Variants in CCDC85C observed in about 807,000 individuals in gnomAD.
CCDC85C encodes coiled-coil domain-containing protein 85C.
In CCDC85C, 18 loss-of-function variants were observed where a neutral mutation model predicts 38.3. The ratio of observed to expected loss-of-function variants is 0.47; its 90% confidence interval spans 0.33 to 0.70. The LOEUF (loss-of-function observed/expected upper bound fraction) is 0.70, where lower values mean the gene tolerates loss of function less well. CCDC85C is among the 30% of genes least tolerant of loss of function. The pLI, the probability that CCDC85C is intolerant of heterozygous loss-of-function variation, is 0.03. For missense variants in CCDC85C, 566 were observed against 621.2 expected (o/e 0.91, Z 0.94); for synonymous variants, 264 against 293.8 (o/e 0.90, Z 1.04).
In CCDC85C at chr14:99,504,296, T is replaced by C. The variant is rs1411239271; in HGVS notation, c.*10950A>G. ...TGACTCATTTGTCTTTCTTTGTTACTTGGTTCTTAGTTCCAGTAGTTCCTG... is the reference window on the plus strand; with the variant it reads ...TGACTCATTTGTCTTTCTTTGTTACCTGGTTCTTAGTTCCAGTAGTTCCTG... On this transcript the variant is annotated 3_prime_UTR_variant, in exon 6 of 6. Transcript: ENST00000380243. 4 of 155,858 alleles carry C rather than the reference T, an allele frequency of 2.6e-5. No homozygotes were observed. The highest frequency in any genetic ancestry group is 7.2e-5 in the African/African-American group (3 of 41,606). 9.7% of individuals were successfully genotyped at this position (155,858 alleles called of 1,614,324 possible). A position where few individuals can be genotyped will look rare whatever the true frequency, so the allele number is the denominator to read the frequency against.
At chr14:99,526,182 AG>A (rs2139905473) in intron 2 of CCDC85C, among the ~76,000 whole-genome samples, 1 of 152,298 alleles carries the variant, frequency 6.6e-6, no homozygotes, top group South Asian at 2.1e-4. Flanking sequence ...TGGGGGCTCC[AG>A]GGGATCTGTC....
At chr14:99,577,707 C>T (rs921030321) in intron 1 of CCDC85C, among the ~76,000 whole-genome samples, 16 of 145,232 alleles carry the variant, frequency 1.1e-4, no homozygotes, top group African/African-American at 4.1e-4. Flanking sequence ...GTACACATCT[C>T]CACACCCATA....
Position 99,502,563 on chromosome 14 carries a change from A to G in CCDC85C, c.*12683T>C, listed in dbSNP as rs1896859653. On this transcript the variant is annotated 3_prime_UTR_variant, in exon 6 of 6. Transcript: ENST00000380243. ...AACACATACTTTTGGTAAACTAAAA[A>G]TACACACCAGTGTTGCACACAACGA... The G allele has an allele frequency of 8.2e-7, 1 of 1,221,664 alleles. No homozygotes were observed. Among genetic ancestry groups the G allele is most frequent in the East Asian group, 2.5e-5 (1 of 39,292 alleles). The allele number at this position is 1,221,664 out of a possible 1,614,324, so 75.7% of individuals were successfully genotyped here.
intron 1 of CCDC85C, among the ~76,000 whole-genome samples, chr14:99,541,708 C>G (rs1217493474): frequency 6.6e-6 from 1 of 152,204 alleles, no homozygotes; most frequent in African/African-American, 2.4e-5. Context: ...CTGCAGGTGC[C>G]AGCAGGCGAT....
intron 3 of CCDC85C, among the ~76,000 whole-genome samples, chr14:99,519,737 C>A (rs1412989253): frequency 6.6e-6 from 1 of 152,186 alleles, no homozygotes; most frequent in African/African-American, 2.4e-5. Flanking sequence ...CAATGAAGAC[C>A]AATACAGGGT....
chr14:99,571,345 G>GTAGTAATAATAATAATAATAATAA (rs35376895), intron 1 of CCDC85C, among the ~76,000 whole-genome samples: 50 of 149,962 alleles, frequency 3.3e-4, no homozygotes, highest in African/African-American at 1.1e-3. Context: ...AGTAGTAGTA[G>GTAGTAATAATAATAATAATAATAA]TAATAATAAT....
chr14:99,600,054 C>G (rs1349271716), intron 1 of CCDC85C, among the ~76,000 whole-genome samples: 1 of 152,220 alleles, frequency 6.6e-6, no homozygotes, highest in Non-Finnish European at 1.5e-5. Context: ...CAACTGCCAC[C>G]AGCTCCCCAG....
chr14:99,537,687 G>T (rs1181578886), intron 1 of CCDC85C, among the ~76,000 whole-genome samples: 2 of 152,150 alleles, frequency 1.3e-5, no homozygotes, highest in Non-Finnish European at 1.5e-5. Context: ...TCCCCGCCCT[G>T]CCAGGCAGAC....
At chr14:99,593,966 G>T (rs2055116554) in intron 1 of CCDC85C, among the ~76,000 whole-genome samples, 1 of 151,538 alleles carries the variant, frequency 6.6e-6, no homozygotes, top group Admixed American at 6.6e-5. Flanking sequence ...CAGGGGAAAT[G>T]GGGAAGGTGG....
chr14:99,515,138 C>T lies in CCDC85C; in HGVS notation c.*108G>A. 1 of 791,398 alleles carries T rather than the reference C, an allele frequency of 1.3e-6. No homozygotes were observed. Among genetic ancestry groups the T allele is most frequent in the Non-Finnish European group, 2.0e-6 (1 of 491,512 alleles). 49.0% of individuals were successfully genotyped at this position (791,398 alleles called of 1,614,324 possible). ...GCAGCGTCCTATGTACAGTTCACCA[C>T]AGAGGAAGAAGACAGGGGCTGGGCT... On this transcript the variant is annotated 3_prime_UTR_variant, in exon 6 of 6. Coordinates refer to ENST00000380243, the MANE Select transcript of CCDC85C (RefSeq NM_001144995.2).
intron 1 of CCDC85C, among the ~76,000 whole-genome samples, chr14:99,546,368 G>A (rs1319205213): frequency 6.6e-6 from 1 of 152,044 alleles, no homozygotes; most frequent in Admixed American, 6.5e-5. Flanking sequence ...GCAGGTGGAG[G>A]CGGCTCAGGA....
At chr14:99,556,961 T>C (rs1898023134) in intron 1 of CCDC85C, among the ~76,000 whole-genome samples, 1 of 151,676 alleles carries the variant, frequency 6.6e-6, no homozygotes, top group East Asian at 1.9e-4. Flanking sequence ...GTCAAAACAG[T>C]TGGCAAATCG....
intron 1 of CCDC85C, among the ~76,000 whole-genome samples, chr14:99,571,683 AC>A (rs1292896426): frequency 6.6e-6 from 1 of 152,104 alleles, no homozygotes; most frequent in African/African-American, 2.4e-5. Flanking sequence ...GATGCCAGCA[AC>A]TCCTTAGAGA....
chr14:99,604,009 T>C lies in CCDC85C; in HGVS notation c.-50A>G. 1 of 1,168,794 alleles carries C rather than the reference T, an allele frequency of 8.6e-7. No individual in the cohort carries two copies. Among genetic ancestry groups the C allele is most frequent in the Non-Finnish European group, 1.1e-6 (1 of 949,288 alleles). The allele number at this position is 1,168,794 out of a possible 1,614,324, so 72.4% of individuals were successfully genotyped here. A position where few individuals can be genotyped will look rare whatever the true frequency, so the allele number is the denominator to read the frequency against. On this transcript the variant is annotated 5_prime_UTR_variant, in exon 1 of 6. Coordinates refer to ENST00000380243, the MANE Select transcript of CCDC85C (RefSeq NM_001144995.2). ...CCCTCGCCCTCGCCCGGCCGGCGCT[T>C]CCCCGCGCCGGGGCTCCGCTGGGCC...
Position 99,510,422 on chromosome 14 carries a change from G to A in CCDC85C, c.*4824C>T, listed in dbSNP as rs1257565742. Reference sequence around the variant, plus strand: ...CCGAGGGACCCTCCTACGGTGCCCTGCCCCCCGCCTACGGCCCACCTGCAC... The same window carrying A: ...CCGAGGGACCCTCCTACGGTGCCCTACCCCCCGCCTACGGCCCACCTGCAC... On this transcript the variant is annotated 3_prime_UTR_variant, in exon 6 of 6. Coordinates refer to ENST00000380243, the MANE Select transcript of CCDC85C (RefSeq NM_001144995.2). 1.3e-6 allele frequency: 2 copies of A among 1,547,046 alleles called. No homozygotes were observed. Among genetic ancestry groups the A allele is most frequent in the Middle Eastern group, 1.8e-4 (1 of 5,684 alleles).
At chr14:99,591,024 G>A (rs1460522083) in intron 1 of CCDC85C, among the ~76,000 whole-genome samples, 1 of 152,216 alleles carries the variant, frequency 6.6e-6, no homozygotes, top group Non-Finnish European at 1.5e-5. Flanking sequence ...CACAGCCGCT[G>A]CCAAGGGAAG....
chr14:99,593,977 G>A (rs906771074), intron 1 of CCDC85C, among the ~76,000 whole-genome samples: 1 of 142,254 alleles, frequency 7.0e-6, no homozygotes, highest in African/African-American at 2.6e-5. Flanking sequence ...GGGAAGGTGG[G>A]GTTGTGTAAA....
At chr14:99,538,734 C>G (rs1223630057) in intron 1 of CCDC85C, among the ~76,000 whole-genome samples, 1 of 152,246 alleles carries the variant, frequency 6.6e-6, no homozygotes, top group African/African-American at 2.4e-5. Flanking sequence ...GCTGGGTGAC[C>G]CTTCTCCTGT....
intron 2 of CCDC85C, among the ~76,000 whole-genome samples, chr14:99,531,916 A>G (rs1345356962): frequency 2.0e-5 from 3 of 152,226 alleles, no homozygotes; most frequent in African/African-American, 7.2e-5. Flanking sequence ...CAAAGATGGT[A>G]CCCTCACTAC....
Sources: allele counts gnomAD v4.1 joint callset (sites outside exome capture counted in the v4.1 genomes callset), GRCh38; gene constraint gnomAD v4.1.1; transcripts MANE v1.5; gene names NCBI Gene and HGNC (gene_info 2026-07-23, HGNC 2026-07-21).